ZGPAT: variants seen among roughly 807,000 people sequenced by gnomAD.
ZGPAT encodes the protein zinc finger CCCH-type with G patch domain-containing protein.
A neutral mutation model predicts 47.9 loss-of-function variants in ZGPAT; 39 were observed. That is an observed-to-expected ratio of 0.81 (90% confidence interval 0.63 to 1.06). The LOEUF (loss-of-function observed/expected upper bound fraction) is 1.06. Ranked by LOEUF, ZGPAT falls within the 50% of genes least tolerant of loss-of-function variation. The pLI is 0.00. For synonymous variants in ZGPAT, 348 were observed against 292.9 expected (o/e 1.19, Z -1.92); for missense variants, 717 against 681.4 (o/e 1.05, Z -0.58).
chr20:63,733,214 T>G lies in ZGPAT; in HGVS notation c.585-5T>G. 1 of 1,613,012 alleles carries G rather than the reference T, an allele frequency of 6.2e-7. No individual in the cohort carries two copies. Among genetic ancestry groups the G allele is most frequent in the Non-Finnish European group, 8.5e-7 (1 of 1,179,282 alleles). On this transcript the variant is annotated splice_polypyrimidine_tract_variant and splice_region_variant and intron_variant, in intron 2 of 6. Transcript: ENST00000355969. ...GAGCCCTGCCCCTTACGGCTCTGTC[T>G]GCAGGTTCTCCCATGGGCAGGTGGT...
intron 2 of ZGPAT, among the ~76,000 whole-genome samples, chr20:63,725,264 G>A (rs545933648): frequency 7.9e-5 from 12 of 152,324 alleles, no homozygotes; most frequent in South Asian, 4.1e-4. Context: ...GATTACAGGC[G>A]TGAGCCACCG....
chr20:63,729,033 TC>T (rs1403985805), intron 2 of ZGPAT, among the ~76,000 whole-genome samples: 6 of 150,014 alleles, frequency 4.0e-5, no homozygotes, highest in Non-Finnish European at 8.8e-5. Flanking sequence ...TTTCTTTTTT[TC>T]TTTTTTTTTT....
In ZGPAT at chr20:63,708,776, C is replaced by A. The variant is rs1189536015; in HGVS notation, c.196C>A (p.Leu66Met). Reference sequence around the variant, plus strand: ...CAGGAAGAGCAGCTTGTTGGCCGCGCTGGACGAAGAGCGCCCGGGCCGCCA... The same window carrying A: ...CAGGAAGAGCAGCTTGTTGGCCGCGATGGACGAAGAGCGCCCGGGCCGCCA... Reference protein sequence around the residue: ...SVRKSSLLAALDEERPGRQED... With the variant: ...SVRKSSLLAAMDEERPGRQED... Residue 66 changes from leucine (L) to methionine (M), a missense_variant, in exon 2 of 7, where the codon CTG becomes ATG. Transcript: ENST00000355969. The A allele has an allele frequency of 2.5e-6, 4 of 1,608,830 alleles. No homozygotes were observed. Among genetic ancestry groups the A allele is most frequent in the South Asian group, 2.2e-5 (2 of 90,984 alleles).
Position 63,733,613 on chromosome 20 carries a change from A to G in ZGPAT, c.745A>G (p.Lys249Glu). The change falls in exon 4 of 7, where the codon AAG becomes GAG. Residue 249 changes from lysine (K) to glutamate (E), a missense_variant. Coordinates refer to ENST00000355969, the MANE Select transcript of ZGPAT (RefSeq NM_181485.3). ...TDVDNGYYTV[K>E]FDSLLLREAV... ...TGTGGACAACGGCTACTACACAGTC[A>G]AGTTTGACTCGCTGCTGCTGAGGGA... The G allele has an allele frequency of 6.2e-7, 1 of 1,614,056 alleles. No individual in the cohort carries two copies. Among genetic ancestry groups the G allele is most frequent in the Non-Finnish European group, 8.5e-7 (1 of 1,180,034 alleles).
At chr20:63,719,446 G>A (rs2091765383) in intron 2 of ZGPAT, among the ~76,000 whole-genome samples, 1 of 152,078 alleles carries the variant, frequency 6.6e-6, no homozygotes, top group African/African-American at 2.4e-5. Context: ...TGGGCTCTAG[G>A]CATTTTTCTT....
intron 2 of ZGPAT, among the ~76,000 whole-genome samples, chr20:63,721,273 A>T (rs917963932): frequency 7.2e-5 from 11 of 151,876 alleles, no homozygotes; most frequent in Non-Finnish European, 1.6e-4. Context: ...AATCGCTTCA[A>T]CCCAGGGGGC....
chr20:63,711,834 C>T (rs2091671930), intron 2 of ZGPAT, among the ~76,000 whole-genome samples: 2 of 152,188 alleles, frequency 1.3e-5, no homozygotes, highest in Non-Finnish European at 2.9e-5. Context: ...GTGATCCCGC[C>T]TTGGTTTCCC....
chr20:63,735,433 G>A lies in ZGPAT; in HGVS notation c.1266G>A (p.Lys422=). 1.3e-6 allele frequency: 2 copies of A among 1,572,442 alleles called. No homozygotes were observed. Among genetic ancestry groups the A allele is most frequent in the Non-Finnish European group, 8.6e-7 (1 of 1,162,148 alleles). Residue 422 remains lysine, a synonymous_variant, in exon 6 of 7, where the codon AAG becomes AAA. Coordinates refer to ENST00000355969, the MANE Select transcript of ZGPAT (RefSeq NM_181485.3). ...CGGCCCCAGCGGGGAGGAGGAGCAA[G>A]GACATGTACCATGCCAGCAAGAGTG... is the stretch of plus-strand genomic sequence containing the variant. ...AGAAPAGRRS[K]DMYHASKSAK...
At chr20:63,725,142 G>A (rs943955325) in intron 2 of ZGPAT, among the ~76,000 whole-genome samples, 1 of 151,936 alleles carries the variant, frequency 6.6e-6, no homozygotes, top group African/African-American at 2.4e-5. Flanking sequence ...CTGCCACCAC[G>A]CCCACCTAAT....
At chr20:63,734,431 C>T (rs1029713192) in intron 4 of ZGPAT, 9 of 539,400 alleles carry the variant, frequency 1.7e-5, no homozygotes, top group East Asian at 3.1e-5. Context: ...GAGAGGGCTG[C>T]GGAGGAGGGG....
chr20:63,736,083 C>G lies in ZGPAT; in HGVS notation c.*164C>G. 2.1e-6 allele frequency: 2 copies of G among 950,914 alleles called. No homozygotes were observed. Among genetic ancestry groups the G allele is most frequent in the South Asian group, 1.7e-5 (1 of 57,592 alleles). The allele number at this position is 950,914 out of a possible 1,614,324, so 58.9% of individuals were successfully genotyped here. A position where few individuals can be genotyped will look rare whatever the true frequency, so the allele number is the denominator to read the frequency against. On this transcript the variant is annotated 3_prime_UTR_variant, in exon 7 of 7. Transcript: ENST00000355969. ...CCCATCTGGACACTTACTTGCCCAC[C>G]TGCCAGTGTCTTGGGCATTTCCTTG... is the stretch of plus-strand genomic sequence containing the variant.
At chr20:63,711,774 G>C (rs760952459) in intron 2 of ZGPAT, among the ~76,000 whole-genome samples, 8 of 152,092 alleles carry the variant, frequency 5.3e-5, no homozygotes, top group Non-Finnish European at 5.9e-5. Flanking sequence ...TTTTAGTAGA[G>C]GCAGGGTTTC....
intron 2 of ZGPAT, among the ~76,000 whole-genome samples, chr20:63,718,147 A>G (rs758152082): frequency 3.9e-5 from 6 of 151,938 alleles, no homozygotes; most frequent in Non-Finnish European, 7.4e-5. Flanking sequence ...TCGGCCTCCC[A>G]AAGTGCTGAG....
rs1024077493 is a variant in ZGPAT, at chr20:63,708,123, G to C, written c.-29+5G>C. 1.3e-5 allele frequency: 2 copies of C among 152,242 alleles called. No homozygotes were observed. The highest frequency in any genetic ancestry group is 6.6e-5 in the Admixed American group (1 of 15,264). 9.4% of individuals were successfully genotyped at this position (152,242 alleles called of 1,614,324 possible). On this transcript the variant is annotated splice_donor_5th_base_variant and intron_variant, in intron 1 of 6. Transcript: ENST00000355969. ...GGCGCCGGGCCGCTCTAGCCGGTGA[G>C]GCCGGCGGGCTCTCTGTGGCTGCGG...
At chr20:63,730,953 TCTCTCTCTCTCTC>T (rs1404464383) in intron 2 of ZGPAT, among the ~76,000 whole-genome samples, 6 of 147,548 alleles carry the variant, frequency 4.1e-5, no homozygotes, top group African/African-American at 1.6e-4. Flanking sequence ...TCTCTCTCTC[TCTCTCTCTCTCTC>T]TCTCTGTGTG....
chr20:63,733,482 C>A, intron 3 of ZGPAT, 105 bp from the exon 4 acceptor site: 2 of 1,604,758 alleles, frequency 1.2e-6, no homozygotes, highest in Non-Finnish European at 1.7e-6. Flanking sequence ...AATGAGCACA[C>A]CTACCCTCAG....
chr20:63,709,311 GCGTCTACGTCTTC>G, intron 2 of ZGPAT, 147 bp downstream of exon 2: 1 of 880,082 alleles, frequency 1.1e-6, no homozygotes, highest in Non-Finnish European at 1.8e-6. Flanking sequence ...CTGTGTTCAG[GCGTCTACGTCTTC>G]CTTCTGGGGT....
intron 2 of ZGPAT, among the ~76,000 whole-genome samples, chr20:63,732,602 C>T (rs896345604): frequency 6.9e-5 from 10 of 144,510 alleles, no homozygotes; most frequent in East Asian, 5.5e-4. Context: ...TGTTTATACG[C>T]GTGTCAGGGT....
rs1281723231 is a variant in ZGPAT at position 63,733,725 on chromosome 20, C to G, written c.857C>G (p.Ser286Cys). Residue 286 changes from serine (S) to cysteine (C), a missense_variant, in exon 4 of 7, where the codon TCC becomes TGC. By Grantham distance (112) the Ser-to-Cys change is moderately radical (BLOSUM62 -1). Transcript: ENST00000355969. ...TCAGACAGCGACGGTACGGGTGACT[C>G]CAGCTATGCCAGAGGTATGGCAGCA... ...SDSDSDGTGD[S>C]SYARVVGSDA... 6.2e-7 allele frequency: 1 copy of G among 1,611,674 alleles called. No homozygotes were observed. The highest frequency in any genetic ancestry group is 1.7e-5 in the Admixed American group (1 of 59,912).
Sources: allele counts gnomAD v4.1 joint callset (sites outside exome capture counted in the v4.1 genomes callset), GRCh38; gene constraint gnomAD v4.1.1; transcripts MANE v1.5; gene names NCBI Gene and HGNC (gene_info 2026-07-23, HGNC 2026-07-21).